The following CELF2 variants were observed in gnomAD, a reference collection of about 807,000 sequenced individuals.
CELF2 encodes the protein CUGBP Elav-like family member 2.
In CELF2, 8 loss-of-function variants were observed where a neutral mutation model predicts 62.6. That is an observed-to-expected ratio of 0.13 (90% CI 0.07 to 0.23). The LOEUF (loss-of-function observed/expected upper bound fraction) is 0.23. Ranked by LOEUF, CELF2 falls within the 10% of genes least tolerant of loss-of-function variation. CELF2 has a pLI of 1.00. For missense variants in CELF2, 333 were observed against 671.0 expected, an observed-to-expected ratio of 0.50 and a Z score of 5.56; for synonymous variants, 258 against 250.0, an observed-to-expected ratio of 1.03 and a Z score of -0.30.
At position 11,157,539 on chromosome 10, in the gene CELF2, C is replaced by T. The variant is rs2064769380; in HGVS notation, c.75-7947C>T. ...CTTTATTTATTGCTCTATTATAGGC[C>T]TTATACCACATTGGTTTTGGTTTTA... On this transcript the variant is annotated intron_variant, in intron 1 of 12. Transcript: ENST00000633077. This position sits in a 1 kb window ranked among gnomAD's most constrained non-coding sequence, Gnocchi z 4.9. Among the ~76,000 whole-genome samples the T allele has an allele frequency of 2.0e-5, 3 of 152,124 alleles. No individual in the cohort carries two copies. The South Asian group carries it at 6.2e-4, about 32-fold the overall frequency.
the CELF2 span, among the ~76,000 whole-genome samples, chr10:10,549,288 G>C: frequency 6.6e-6 from 1 of 152,040 alleles, no homozygotes; most frequent in Non-Finnish European, 1.5e-5. Context: ...TCTTCTTTTT[G>C]TTGTTGTCTT....
At chr10:10,555,593 G>T in the CELF2 span, among the ~76,000 whole-genome samples, 50 of 152,282 alleles carry the variant, frequency 3.3e-4, no homozygotes, top group African/African-American at 1.1e-3. Context: ...TTAACATTTT[G>T]TGCTGTGAAT....
At chr10:10,517,054 T>C in the CELF2 span, among the ~76,000 whole-genome samples, 1 of 152,184 alleles carries the variant, frequency 6.6e-6, no homozygotes, top group Non-Finnish European at 1.5e-5. Context: ...GAAACAGCAG[T>C]GCATGAATTT....
At position 11,029,064 on chromosome 10, in the gene CELF2, T is replaced by C. The variant is rs141427493; in HGVS notation, c.74+10901T>C. Among the ~76,000 whole-genome samples the C allele has an allele frequency of 3.9e-3, 593 of 152,312 alleles. 5 individuals carry two copies. The highest frequency in any genetic ancestry group is 0.013 in the African/African-American group (560 of 41,570). Reference sequence around the variant, plus strand: ...TATGGAGCAGAGAGGTCTGTAGACCTGGCAGCCTTGGGTGGCCTCATAAGG... The same window carrying C: ...TATGGAGCAGAGAGGTCTGTAGACCCGGCAGCCTTGGGTGGCCTCATAAGG... On this transcript the variant is annotated intron_variant, in intron 1 of 12. Coordinates refer to ENST00000633077, the MANE Select transcript of CELF2 (RefSeq NM_001326342.2).
chr10:10,819,005 C>T (rs1339955422), intron 1 of CELF2, among the ~76,000 whole-genome samples: 1 of 152,106 alleles, frequency 6.6e-6, no homozygotes, highest in Non-Finnish European at 1.5e-5. Context: ...AGTAGACTAA[C>T]CAGGAAGCAC....
In CELF2 at chr10:11,191,037, T is replaced by C. The variant is rs1439105233; in HGVS notation, c.271+25355T>C. Reference sequence around the variant, plus strand: ...CTGACCTTCATGGACATCCTGGTCATGTGTACAGAAAACTTAGAAGTAAAT... The same window carrying C: ...CTGACCTTCATGGACATCCTGGTCACGTGTACAGAAAACTTAGAAGTAAAT... On this transcript the variant is annotated intron_variant, in intron 2 of 12. Coordinates refer to ENST00000633077, the MANE Select transcript of CELF2 (RefSeq NM_001326342.2). The surrounding 1 kb of genome is among the most constrained non-coding windows in gnomAD (Gnocchi z 4.1). 2.6e-5 allele frequency among the ~76,000 whole-genome samples: 4 copies of C among 152,162 alleles called. No homozygotes were observed. The highest frequency in any genetic ancestry group is 4.8e-5 in the African/African-American group (2 of 41,434).
the CELF2 span, among the ~76,000 whole-genome samples, chr10:10,648,669 T>C: frequency 6.6e-6 from 1 of 152,226 alleles, no homozygotes; most frequent in Non-Finnish European, 1.5e-5. Context: ...GGGTCAGGTG[T>C]ATATTTTGAT....
chr10:10,819,442 G>A (rs10905838), intron 1 of CELF2, among the ~76,000 whole-genome samples: 13,880 of 152,108 alleles, frequency 0.091, 745 homozygotes, highest in East Asian at 0.23. Context: ...GTTTTTGCCA[G>A]GGTTACCAAT....
intron 1 of CELF2, among the ~76,000 whole-genome samples, chr10:10,851,411 C>T (rs756840034): frequency 8.5e-5 from 13 of 152,136 alleles, no homozygotes; most frequent in Non-Finnish European, 1.5e-4. Flanking sequence ...ACATTAACTT[C>T]GATTCTCACA....
At chr10:11,100,256 A>C (rs1234134381) in intron 1 of CELF2, among the ~76,000 whole-genome samples, 1 of 152,072 alleles carries the variant, frequency 6.6e-6, no homozygotes. Context: ...TTTATAATTC[A>C]TAGTCACCCA....
intron 2 of CELF2, among the ~76,000 whole-genome samples, chr10:11,192,177 G>A (rs183610101): frequency 2.2e-4 from 34 of 152,344 alleles, no homozygotes; most frequent in African/African-American, 7.7e-4. Flanking sequence ...GTTCAGTCAT[G>A]GTTGAGATGG....
chr10:10,882,448 A>C (rs1201890174), intron 1 of CELF2, among the ~76,000 whole-genome samples: 1 of 152,200 alleles, frequency 6.6e-6, no homozygotes, highest in African/African-American at 2.4e-5. Context: ...TGTTGTCACT[A>C]AATTACTTGT....
the CELF2 span, among the ~76,000 whole-genome samples, chr10:10,572,207 T>A: frequency 1.3e-5 from 2 of 148,856 alleles, no homozygotes; most frequent in Non-Finnish European, 3.0e-5. Context: ...GAATTCAGAC[T>A]TTTTTTTTTA....
intron 1 of CELF2, among the ~76,000 whole-genome samples, chr10:11,084,402 A>G (rs2074863072): frequency 6.6e-6 from 1 of 152,236 alleles, no homozygotes; most frequent in Admixed American, 6.5e-5. Context: ...GGCGTGTGCC[A>G]GAGCACAATT....
intron 3 of CELF2, among the ~76,000 whole-genome samples, chr10:11,245,135 C>T (rs932770290): frequency 1.3e-5 from 2 of 152,218 alleles, no homozygotes; most frequent in Non-Finnish European, 2.9e-5. Flanking sequence ...GAAACCATTT[C>T]TGTTACAGGG....
In CELF2 at chr10:10,993,118, G is replaced by A. The variant is rs1248839784; in HGVS notation, c.89+73119G>A. ...CAGAACAATTGCAGGGCCAGCTGCT[G>A]TTTCCCACCGAAGAGGCGAGTCAGC... On this transcript the variant is annotated intron_variant, in intron 2 of 13. Transcript: ENST00000636488. This position sits in a 1 kb window ranked among gnomAD's most constrained non-coding sequence, Gnocchi z 5.3. Among the ~76,000 whole-genome samples, 3 of 152,132 alleles carry A rather than the reference G, an allele frequency of 2.0e-5. No homozygotes were observed. The East Asian group carries it at 5.8e-4, about 29-fold the overall frequency.
chr10:11,301,995 A>G (rs767453639), intron 9 of CELF2, among the ~76,000 whole-genome samples: 2 of 152,170 alleles, frequency 1.3e-5, no homozygotes, highest in Non-Finnish European at 2.9e-5. Context: ...TCCTCCGCTC[A>G]GCAGATGCCA....
intron 1 of CELF2, among the ~76,000 whole-genome samples, chr10:10,848,269 T>C (rs1031558133): frequency 1.3e-5 from 2 of 152,202 alleles, no homozygotes; most frequent in Admixed American, 1.3e-4. Flanking sequence ...TGAATGCTCT[T>C]GACTTAGGGA....
At chr10:10,927,817 G>T (rs1036102073) in intron 2 of CELF2, among the ~76,000 whole-genome samples, 8 of 151,962 alleles carry the variant, frequency 5.3e-5, no homozygotes, top group Non-Finnish European at 8.8e-5. Context: ...CCTTTGAATT[G>T]GTCCTTCCCA....
Sources: allele counts gnomAD v4.1 joint callset (sites outside exome capture counted in the v4.1 genomes callset), GRCh38; gene constraint gnomAD v4.1.1; non-coding constraint Gnocchi (gnomAD v3.1); transcripts MANE v1.5; gene names NCBI Gene and HGNC (gene_info 2026-07-23, HGNC 2026-07-21).